Variants in MIGA1 observed in about 807,000 individuals in gnomAD.
The protein encoded by MIGA1 is family with sequence similarity 73, member A.
A neutral mutation model predicts 82.0 loss-of-function variants in MIGA1; 58 were observed. That is an observed-to-expected ratio of 0.71 (90% CI 0.57 to 0.88). The LOEUF (loss-of-function observed/expected upper bound fraction) is 0.88. Ranked by LOEUF, MIGA1 falls within the 40% of genes least tolerant of loss-of-function variation. The pLI is 0.00. For synonymous variants in MIGA1, 249 were observed against 253.6 expected (o/e 0.98, Z 0.17); for missense variants, 751 against 749.1 (o/e 1.00, Z -0.03).
chr1:77,872,835 G>A (rs1431813009), intron 14 of MIGA1, among the ~76,000 whole-genome samples, 169 bp from the exon 15 acceptor site: 1 of 152,198 alleles, frequency 6.6e-6, no homozygotes, highest in Non-Finnish European at 1.5e-5. Flanking sequence ...TAAAGCCGGG[G>A]GATTGCTTGA....
At chr1:77,836,504 C>T (rs775083792) in intron 7 of MIGA1, among the ~76,000 whole-genome samples, 2 of 152,144 alleles carry the variant, frequency 1.3e-5, no homozygotes, top group Non-Finnish European at 1.5e-5. Context: ...AGAGTAGAAA[C>T]AGGAGGAACC....
chr1:77,830,763 A>G (rs1684213379), intron 7 of MIGA1, among the ~76,000 whole-genome samples: 1 of 152,212 alleles, frequency 6.6e-6, no homozygotes, highest in African/African-American at 2.4e-5. Flanking sequence ...CATTAATGGC[A>G]GAGATACACA....
chr1:77,869,989 TG>T (rs1685875411), intron 14 of MIGA1, among the ~76,000 whole-genome samples: 1 of 101,384 alleles, frequency 9.9e-6, no homozygotes, highest in African/African-American at 3.8e-5. Flanking sequence ...CCCTCCCGGA[TG>T]GGGCGACTGG....
At chr1:77,855,007 C>T (rs191547524) in intron 8 of MIGA1, among the ~76,000 whole-genome samples, 49 of 152,260 alleles carry the variant, frequency 3.2e-4, no homozygotes, top group Admixed American at 1.6e-3. Flanking sequence ...ATGTTATCTT[C>T]TAGAGTTTTT....
intron 8 of MIGA1, among the ~76,000 whole-genome samples, chr1:77,850,530 A>G (rs1291590526): frequency 1.3e-5 from 2 of 152,250 alleles, no homozygotes; most frequent in African/African-American, 4.8e-5. Flanking sequence ...AATGGTCCAC[A>G]TTAAAATAGA....
chr1:77,787,604 G>T (rs776558860), intron 2 of MIGA1, among the ~76,000 whole-genome samples: 3 of 151,806 alleles, frequency 2.0e-5, no homozygotes, highest in Non-Finnish European at 4.4e-5. Flanking sequence ...GGCCAGGCTC[G>T]TCTGGAACTC....
intron 7 of MIGA1, among the ~76,000 whole-genome samples, chr1:77,834,948 C>T (rs1684373099): frequency 6.6e-6 from 1 of 152,216 alleles, no homozygotes; most frequent in Non-Finnish European, 1.5e-5. Context: ...CCTCTTGTTG[C>T]TCCTGTTATA....
At chr1:77,837,842 A>G (rs182390436) in intron 7 of MIGA1, among the ~76,000 whole-genome samples, 1 of 152,292 alleles carries the variant, frequency 6.6e-6, no homozygotes, top group Admixed American at 6.5e-5. Context: ...CACTACTACT[A>G]TTGTTGGTAT....
chr1:77,810,613 A>G (rs1683286759), intron 5 of MIGA1, among the ~76,000 whole-genome samples: 1 of 151,222 alleles, frequency 6.6e-6, no homozygotes, highest in Non-Finnish European at 1.5e-5. Context: ...TATTAATTGC[A>G]CAATTAATAG....
chr1:77,864,785 G>A (rs913110000), intron 13 of MIGA1, among the ~76,000 whole-genome samples: 8 of 152,266 alleles, frequency 5.3e-5, no homozygotes, highest in Admixed American at 2.6e-4. Context: ...AGGCATATAC[G>A]GCATAACATC....
chr1:77,848,092 A>G, intron 8 of MIGA1: 1 of 1,308,360 alleles, frequency 7.6e-7, no homozygotes, highest in Non-Finnish European at 1.1e-6. Context: ...GAAGATCAGC[A>G]CCAACAGAAG....
intron 11 of MIGA1, 66 bp downstream of exon 11, chr1:77,860,192 G>T (rs1685412405): frequency 8.9e-7 from 1 of 1,128,962 alleles, no homozygotes; most frequent in Admixed American, 2.4e-5. Flanking sequence ...TTGAACTGAA[G>T]ATTAAGACAT....
At chr1:77,783,004 C>CTT (rs879730152) in intron 1 of MIGA1, 36 of 281,576 alleles carry the variant, frequency 1.3e-4, no homozygotes, top group Middle Eastern at 1.6e-3. Context: ...TTAAATCTAG[C>CTT]TTTTTTTTTT....
At chr1:77,821,336 T>C (rs1464216934) in intron 7 of MIGA1, among the ~76,000 whole-genome samples, 1 of 152,106 alleles carries the variant, frequency 6.6e-6, no homozygotes. Context: ...TATTTATTAT[T>C]CTTACTAAAT....
At chr1:77,802,095 T>C (rs79723547) in intron 3 of MIGA1, among the ~76,000 whole-genome samples, 6,026 of 152,300 alleles carry the variant, frequency 0.04, 138 homozygotes, top group Middle Eastern at 0.078. Context: ...TAATTTTTGG[T>C]AAAGATATCG....
intron 8 of MIGA1, among the ~76,000 whole-genome samples, chr1:77,857,139 C>T (rs1011476896): frequency 1.3e-5 from 2 of 152,038 alleles, no homozygotes; most frequent in Admixed American, 6.6e-5. Context: ...TGACCCAGTG[C>T]GCATTCAGGA....
chr1:77,787,842 G>C (rs891799367), intron 2 of MIGA1, among the ~76,000 whole-genome samples: 13 of 145,326 alleles, frequency 8.9e-5, no homozygotes, highest in African/African-American at 3.1e-4. Flanking sequence ...TTGAGATGGA[G>C]TCTCACTCTG....
chr1:77,845,605 T>G (rs909460540), intron 8 of MIGA1, among the ~76,000 whole-genome samples: 2 of 152,202 alleles, frequency 1.3e-5, no homozygotes, highest in African/African-American at 4.8e-5. Flanking sequence ...TATAAATGTA[T>G]GGTCTCAGAA....
At chr1:77,866,926 C>T (rs1258550395) in intron 14 of MIGA1, among the ~76,000 whole-genome samples, 4 of 152,104 alleles carry the variant, frequency 2.6e-5, no homozygotes, top group African/African-American at 9.6e-5. Context: ...GTTATCCGCC[C>T]GCCTTGGCCT....
Sources: gnomAD v4.1 joint callset for allele counts (sites outside exome capture counted in the v4.1 genomes callset) on GRCh38, gnomAD v4.1.1 for gene constraint, MANE v1.5 for transcripts, NCBI Gene and HGNC (gene_info 2026-07-23, HGNC 2026-07-21) for gene names.